IARS1: variants seen among roughly 807,000 people sequenced by gnomAD.
IARS1 encodes isoleucine--tRNA ligase, cytoplasmic.
A neutral mutation model predicts 168.2 loss-of-function variants in IARS1; 124 were observed. That is an observed-to-expected ratio of 0.74 (90% CI 0.64 to 0.86). The LOEUF is 0.86. Ranked by LOEUF, IARS1 falls within the 40% of genes least tolerant of loss-of-function variation. IARS1 has a pLI of 0.00. For missense variants in IARS1, 1,452 were observed against 1,515.8 expected, an observed-to-expected ratio of 0.96 and a Z score of 0.70; for synonymous variants, 532 against 529.4, an observed-to-expected ratio of 1.00 and a Z score of -0.07.
chr9:92,234,147 T>C (rs1050255656), intron 30 of IARS1, among the ~76,000 whole-genome samples: 9 of 152,218 alleles, frequency 5.9e-5, no homozygotes, highest in Admixed American at 4.6e-4. Flanking sequence ...ATTGCTATTA[T>C]GAAATAAAAT....
Position 92,279,025 on chromosome 9 carries a change from G to GT in IARS1, c.746-740dup, listed in dbSNP as rs369719939. 4.8e-3 allele frequency among the ~76,000 whole-genome samples: 738 copies of GT among 152,262 alleles called. 6 individuals carry two copies. The highest frequency in any genetic ancestry group is 0.015 in the African/African-American group (643 of 41,538). On this transcript the variant is annotated intron_variant, in intron 7 of 33. Transcript: ENST00000443024. The stretch of plus-strand genomic sequence containing the variant: ...TAGGAAAAGAAAAGCTGGAGCAAAT[G>GT]TATGAACAGTTAAAACTTTGATACT...
chr9:92,270,315 C>T (rs1454924531), intron 12 of IARS1, among the ~76,000 whole-genome samples: 4 of 152,144 alleles, frequency 2.6e-5, no homozygotes, highest in Admixed American at 6.5e-5. Flanking sequence ...CATTTTCACC[C>T]ATACTTTTAC....
intron 30 of IARS1, among the ~76,000 whole-genome samples, chr9:92,232,234 G>A (rs1444093561): frequency 6.6e-6 from 1 of 152,166 alleles, no homozygotes; most frequent in Non-Finnish European, 1.5e-5. Context: ...CAGCCTAGGG[G>A]TTTTGTTAAT....
chr9:92,268,462 C>T (rs1231761766), intron 13 of IARS1, among the ~76,000 whole-genome samples, 162 bp from the exon 14 acceptor site: 2 of 152,196 alleles, frequency 1.3e-5, no homozygotes, highest in East Asian at 3.8e-4. Flanking sequence ...CAGCATAGCA[C>T]ACACAACAGT....
chr9:92,249,424 G>A (rs1451288099), intron 25 of IARS1, among the ~76,000 whole-genome samples: 3 of 152,054 alleles, frequency 2.0e-5, no homozygotes, highest in East Asian at 1.9e-4. Context: ...ATGGTGGCGG[G>A]TGCCTGTAAT....
chr9:92,277,805 C>G, intron 9 of IARS1, 58 bp downstream of exon 9: 1 of 1,432,008 alleles, frequency 7.0e-7, no homozygotes, highest in East Asian at 2.3e-5. Flanking sequence ...TCACAACACC[C>G]CAGCTATCAA....
Position 92,229,119 on chromosome 9 carries a change from T to C in IARS1, c.3291A>G (p.Val1097=), listed in dbSNP as rs756142439. ...CACCTTTTGGATTTTCCAGGAGCAA[T>C]ACTCCACCTAAAAAGCCACAAAAAT... The part of the protein sequence containing the change: ...ICANGSEQGG[V]LLLENPKGDN... The change falls in exon 31 of 34, where the codon GTA becomes GTG. Residue 1097 remains valine (V), a synonymous_variant. Transcript: ENST00000443024. 6.2e-7 allele frequency: 1 copy of C among 1,612,200 alleles called. No individual in the cohort carries two copies. Among genetic ancestry groups the C allele is most frequent in the Non-Finnish European group, 8.5e-7 (1 of 1,179,416 alleles).
rs1231180508 is a variant in IARS1 at position 92,269,905 on chromosome 9, C to T, written c.1284G>A (p.Arg428=). 1.9e-6 allele frequency: 3 copies of T among 1,612,830 alleles called. No individual in the cohort carries two copies. The highest frequency in any genetic ancestry group is 2.2e-5 in the South Asian group (2 of 91,050). Residue 428 remains arginine (R), a synonymous_variant, in exon 13 of 34, where the codon AGG becomes AGA. Transcript: ENST00000443024. ...CTCACCAGTAGCACAGGTCATTGTT[C>T]CTTAGGAGCTGGTCCACCATGTTCT... ...RVENMVDQLL[R]NNDLCYWVPE...
At chr9:92,215,771 G>T (rs943209339) in intron 33 of IARS1, among the ~76,000 whole-genome samples, 10 of 151,814 alleles carry the variant, frequency 6.6e-5, no homozygotes, top group Non-Finnish European at 1.0e-4. Context: ...ATGGGACTAT[G>T]TGAAAAGACC....
chr9:92,246,810 T>C (rs1475196277), intron 26 of IARS1, among the ~76,000 whole-genome samples: 1 of 152,184 alleles, frequency 6.6e-6, no homozygotes, highest in Admixed American at 6.5e-5. Context: ...GGATTACAGA[T>C]GTGAGCCTCT....
intron 17 of IARS1, among the ~76,000 whole-genome samples, chr9:92,261,089 G>A (rs1831459005): frequency 6.6e-6 from 1 of 152,058 alleles, no homozygotes; most frequent in South Asian, 2.1e-4. Context: ...CAGGTGGATC[G>A]CCTGAGCTCA....
intron 33 of IARS1, among the ~76,000 whole-genome samples, chr9:92,217,804 T>A (rs1026609614): frequency 7.9e-5 from 12 of 151,116 alleles, no homozygotes; most frequent in Non-Finnish European, 1.5e-5. Flanking sequence ...CCAAAAAGAG[T>A]CCAGGACCAG....
At chr9:92,278,798 A>G (rs1834116374) in intron 7 of IARS1, among the ~76,000 whole-genome samples, 1 of 152,208 alleles carries the variant, frequency 6.6e-6, no homozygotes, top group Admixed American at 6.5e-5. Context: ...ACTTCCATGT[A>G]TTAGCACATA....
At chr9:92,288,007 A>T in intron 3 of IARS1, 97 bp from the exon 4 acceptor site, 2 of 1,544,670 alleles carry the variant, frequency 1.3e-6, no homozygotes, top group Non-Finnish European at 1.8e-6. Context: ...TACAAATATT[A>T]TAGAAATGAA....
Position 92,274,023 on chromosome 9 carries a change from T to A in IARS1, c.990+403A>T, listed in dbSNP as rs553536811. On this transcript the variant is annotated intron_variant, in intron 10 of 33. Transcript: ENST00000443024. The stretch of plus-strand genomic sequence containing the variant: ...CACAAATTACATAAAAAGGAATGTG[T>A]TTTTAGAAAAATTATTCTAGTCAAA... 4.6e-5 allele frequency among the ~76,000 whole-genome samples: 7 copies of A among 152,372 alleles called. No homozygotes were observed. In the South Asian group the frequency reaches 1.4e-3, roughly 32 times the overall value.
At chr9:92,252,449 C>A (rs79387288) in intron 21 of IARS1, 14,266 of 498,500 alleles carry the variant, frequency 0.029, 284 homozygotes, top group Non-Finnish European at 0.039. Context: ...AGTTGTGTTG[C>A]AGGCTTTTAT....
chr9:92,280,965 C>G, intron 6 of IARS1, 72 bp from the exon 7 acceptor site: 1 of 975,544 alleles, frequency 1.0e-6, no homozygotes. Context: ...AGGAACTACT[C>G]CTAAAGAGGA....
At position 92,282,861 on chromosome 9, in the gene IARS1, T is replaced by TATA. The variant is rs1491424150; in HGVS notation, c.598-1969_598-1968insTAT. Among the ~76,000 whole-genome samples, 18 of 109,728 alleles carry TATA rather than the reference T, an allele frequency of 1.6e-4. No individual in the cohort carries two copies. In the East Asian group the frequency reaches 3.8e-3, roughly 23 times the overall value. 72.0% of individuals were successfully genotyped at this position (109,728 alleles called of 152,430 possible). A position where few individuals can be genotyped will look rare whatever the true frequency, so the allele number is the denominator to read the frequency against. On this transcript the variant is annotated intron_variant, in intron 6 of 33. Transcript: ENST00000443024. Reference sequence around the variant, plus strand: ...ACACATATATATATATATATATATATTTTTTTTTTTTGAGACAGAGTCTAA... The same window carrying TATA: ...ACACATATATATATATATATATATATATATTTTTTTTTTTGAGACAGAGTCTAA...
At chr9:92,214,694 G>C in intron 33 of IARS1, among the ~76,000 whole-genome samples, 1 of 152,166 alleles carries the variant, frequency 6.6e-6, no homozygotes, top group African/African-American at 2.4e-5. Flanking sequence ...ACTCCCACCC[G>C]AATACTGCGC....
Sources: gnomAD v4.1 joint callset for allele counts (sites outside exome capture counted in the v4.1 genomes callset) on GRCh38, gnomAD v4.1.1 for gene constraint, MANE v1.5 for transcripts, NCBI Gene and HGNC (gene_info 2026-07-23, HGNC 2026-07-21) for gene names.